The following SNRPA1 variants were observed in gnomAD, a reference collection of about 807,000 sequenced individuals.
SNRPA1 encodes the protein U2 small nuclear ribonucleoprotein A'.
In SNRPA1, 5 loss-of-function variants were observed where a neutral mutation model predicts 32.3. The ratio of observed to expected loss-of-function variants is 0.15; its 90% CI spans 0.08 to 0.33. SNRPA1 has a LOEUF of 0.33. SNRPA1 is among the 10% of genes least tolerant of loss of function. SNRPA1 has a pLI of 1.00. For missense variants in SNRPA1, 198 were observed against 311.1 expected (o/e 0.64, Z 2.74); for synonymous variants, 111 against 120.1 (o/e 0.92, Z 0.50).
rs76591109 is a variant in SNRPA1, at chr15:101,294,435, G to A, written c.82+662C>T. On this transcript the variant is annotated intron_variant, in intron 1 of 8. Transcript: ENST00000254193. ...CTCCTGAAATGCCAACTAGCTAGCT[G>A]CCCTCCCAGTATCTTACCAAGTCTT... 5.4e-3 allele frequency among the ~76,000 whole-genome samples: 827 copies of A among 152,310 alleles called. 35 individuals are homozygous for A. The East Asian group carries it at 0.097, about 18-fold the overall frequency.
chr15:101,282,075 C>A (rs1362634207), intron 8 of SNRPA1, among the ~76,000 whole-genome samples: 1 of 152,240 alleles, frequency 6.6e-6, no homozygotes, highest in Admixed American at 6.5e-5. Flanking sequence ...AGCCTATACT[C>A]ATGTGCTTTT....
intron 2 of SNRPA1, among the ~76,000 whole-genome samples, chr15:101,292,513 T>C (rs73487249): frequency 0.036 from 5,540 of 152,028 alleles, 341 homozygotes; most frequent in African/African-American, 0.13. Context: ...TCCAATAAAG[T>C]TTACACAGAG....
Position 101,283,706 on chromosome 15 carries a change from G to A in SNRPA1, c.709+1261C>T, listed in dbSNP as rs554517917. On this transcript the variant is annotated intron_variant, in intron 8 of 8. Transcript: ENST00000254193. ...CACGCCTGTAATCCCAGCACTTTGGGAAGACGAGGCAGGTGGATCACGGGG... is the reference window on the plus strand; with the variant it reads ...CACGCCTGTAATCCCAGCACTTTGGAAAGACGAGGCAGGTGGATCACGGGG... 5.4e-4 allele frequency among the ~76,000 whole-genome samples: 83 copies of A among 152,358 alleles called. 1 individual carries two copies. Among genetic ancestry groups the A allele is most frequent in the Middle Eastern group, 6.8e-3 (2 of 294 alleles).
At chr15:101,291,825 G>A in intron 3 of SNRPA1, 137 bp downstream of exon 3, 1 of 576,242 alleles carries the variant, frequency 1.7e-6, no homozygotes, top group Non-Finnish European at 3.1e-6. Context: ...GAACCCAAAA[G>A]GCCCAGATCC....
chr15:101,287,669 G>A lies in SNRPA1; in HGVS notation c.343C>T (p.Leu115=), dbSNP rs746463490. 1.2e-6 allele frequency: 2 copies of A among 1,613,838 alleles called. No individual in the cohort carries two copies. Among genetic ancestry groups the A allele is most frequent in the South Asian group, 2.2e-5 (2 of 91,080 alleles). ...DLDPLASLKS[L]TYLSILRNPV... The stretch of plus-strand genomic sequence containing the variant: ...TAATTCCCATACCTTAGGTAAGTCA[G>A]CGATTTGAGAGATGCCAGAGGGTCC... Residue 115 remains leucine (L), a synonymous_variant, in exon 4 of 9, where the codon CTG becomes TTG. Transcript: ENST00000254193.
Position 101,293,013 on chromosome 15 carries a change from A to G in SNRPA1, c.230+12T>C. The G allele has an allele frequency of 6.3e-7, 1 of 1,582,408 alleles. No individual in the cohort carries two copies. Among genetic ancestry groups the G allele is most frequent in the South Asian group, 1.2e-5 (1 of 84,700 alleles). The stretch of plus-strand genomic sequence containing the variant: ...CTAGGGGAAAAAATTACTTTCCCCT[A>G]CAGACACGTACCATATTCTGTTGTT... On this transcript the variant is annotated intron_variant, in intron 2 of 8. Transcript: ENST00000254193.
chr15:101,285,585 T>C, intron 7 of SNRPA1, 141 bp downstream of exon 7: 1 of 620,556 alleles, frequency 1.6e-6, no homozygotes, highest in Non-Finnish European at 2.9e-6. Flanking sequence ...ATGCTAGTTT[T>C]TCCTTAAACA....
chr15:101,286,787 A>G (rs1055982288), intron 5 of SNRPA1, 121 bp downstream of exon 5: 1 of 621,256 alleles, frequency 1.6e-6, no homozygotes, highest in Non-Finnish European at 2.9e-6. Context: ...TTTCCCTCCC[A>G]CTTTTATTAC....
At chr15:101,283,722 G>T (rs1464231373) in intron 8 of SNRPA1, among the ~76,000 whole-genome samples, 1 of 152,194 alleles carries the variant, frequency 6.6e-6, no homozygotes, top group Non-Finnish European at 1.5e-5. Context: ...GAGGCAGGTG[G>T]ATCACGGGGT....
chr15:101,293,243 G>A (rs2039547587), intron 1 of SNRPA1, 71 bp from the exon 2 acceptor site: 2 of 1,006,940 alleles, frequency 2.0e-6, no homozygotes. Context: ...AGCATTAGCT[G>A]TATTTCATAG....
At position 101,286,248 on chromosome 15, in the gene SNRPA1, G is replaced by A; in HGVS notation, c.505C>T (p.Gln169Ter). 1.2e-6 allele frequency: 2 copies of A among 1,614,150 alleles called. No homozygotes were observed. The highest frequency in any genetic ancestry group is 1.7e-6 in the Non-Finnish European group (2 of 1,180,016). Residue 169 changes from glutamine (Q) to a stop codon, truncating the protein, a stop_gained, in exon 6 of 9, where the codon CAG (glutamine) becomes TAG (stop). Transcript: ENST00000254193. LOFTEE classifies it high-confidence loss of function. Reference protein sequence around the residue: ...EKMFKGKRGAQLAKDIARRSK... With the variant: ...EKMFKGKRGA Reference sequence around the variant, plus strand: ...CTCCTGGCAATATCCTTTGCAAGCTGTGCACCCCGTTTGCCCTTGAACATT... The same window carrying A: ...CTCCTGGCAATATCCTTTGCAAGCTATGCACCCCGTTTGCCCTTGAACATT...
intron 8 of SNRPA1, among the ~76,000 whole-genome samples, chr15:101,282,097 C>T (rs1386072708): frequency 6.6e-6 from 1 of 152,202 alleles, no homozygotes; most frequent in African/African-American, 2.4e-5. Context: ...ATGGCACTAC[C>T]GTAGGCAAAG....
At chr15:101,293,368 G>A in intron 1 of SNRPA1, 196 bp from the exon 2 acceptor site, 1 of 447,088 alleles carries the variant, frequency 2.2e-6, no homozygotes, top group Non-Finnish European at 4.1e-6. Flanking sequence ...CGAGTCTCAA[G>A]TCCCCAGTGC....
At chr15:101,287,439 G>GT (rs2039468934) in intron 4 of SNRPA1, among the ~76,000 whole-genome samples, 1 of 151,930 alleles carries the variant, frequency 6.6e-6, no homozygotes, top group Non-Finnish European at 1.5e-5. Context: ...GGGGTGTTTG[G>GT]TTTTTTGTCC....
intron 8 of SNRPA1, among the ~76,000 whole-genome samples, chr15:101,284,473 A>G: frequency 6.6e-6 from 1 of 150,642 alleles, no homozygotes; most frequent in Admixed American, 6.6e-5. Flanking sequence ...AAAACCCCCC[A>G]CAGTGCTGTA....
rs1332726370 is a variant in SNRPA1 at position 101,285,810 on chromosome 15, G to A, written c.540-9C>T. On this transcript the variant is annotated splice_polypyrimidine_tract_variant and intron_variant, in intron 6 of 8. Transcript: ENST00000254193. ...CAGCACCTGGATTAAAACTTAAGAGGGGGAAGAACATAACTGTTAGACCTA... is the reference window on the plus strand; with the variant it reads ...CAGCACCTGGATTAAAACTTAAGAGAGGGAAGAACATAACTGTTAGACCTA... The A allele has an allele frequency of 1.2e-6, 2 of 1,610,818 alleles. No homozygotes were observed. Among genetic ancestry groups the A allele is most frequent in the Non-Finnish European group, 1.7e-6 (2 of 1,177,710 alleles).
At chr15:101,282,208 A>T (rs2039402985) in intron 8 of SNRPA1, among the ~76,000 whole-genome samples, 1 of 152,262 alleles carries the variant, frequency 6.6e-6, no homozygotes, top group Non-Finnish European at 1.5e-5. Flanking sequence ...ATATGCCAAC[A>T]ACTACCAAAA....
chr15:101,287,609 TG>T, intron 4 of SNRPA1, 46 bp downstream of exon 4: 2 of 1,511,492 alleles, frequency 1.3e-6, no homozygotes, highest in South Asian at 2.3e-5. Context: ...GTAAAAGTAA[TG>T]TTATTTTAAA....
rs531907281 is a variant in SNRPA1, at chr15:101,285,776, T to C, written c.565A>G (p.Thr189Ala). The change falls in exon 7 of 9, where the codon ACT becomes GCT. Residue 189 changes from threonine (T) to alanine (A), a missense_variant. Thr to Ala is a moderately conservative substitution (Grantham distance 58). Around this residue, in one of 3 missense-constraint regions of SNRPA1, gnomAD observed 77 missense variants for 120.1 expected, o/e 0.64. Transcript: ENST00000254193. ...GATGGCCCACCTTTCTTTTTGTCAG[T>C]TGGCAAACCAGCACCTGGATTAAAA... ...KTFNPGAGLP[T>A]DKKKGGPSPG... 113 of 1,613,698 alleles carry C rather than the reference T, an allele frequency of 7.0e-5. No individual in the cohort carries two copies. The highest frequency in any genetic ancestry group is 1.9e-4 in the African/African-American group (14 of 74,938).
Sources: allele counts gnomAD v4.1 joint callset (sites outside exome capture counted in the v4.1 genomes callset), GRCh38; gene constraint gnomAD v4.1.1; regional missense constraint gnomAD v4.1.1; transcripts MANE v1.5; gene names NCBI Gene and HGNC (gene_info 2026-07-23, HGNC 2026-07-21).